The following RCC1L variants were observed in gnomAD, a reference collection of about 807,000 sequenced individuals.
RCC1L encodes RCC1 like, also known as RCC1-like G exchanging factor-like protein.
A neutral mutation model predicts 58.6 loss-of-function variants in RCC1L; 46 were observed. The ratio of observed to expected loss-of-function variants is 0.79; its 90% confidence interval spans 0.62 to 1.00. RCC1L has a LOEUF of 1.00. RCC1L is among the 50% of genes least tolerant of loss of function. RCC1L has a pLI of 0.00. For synonymous variants in RCC1L, 281 were observed against 262.9 expected (o/e 1.07, Z -0.67); for missense variants, 636 against 623.6 (o/e 1.02, Z -0.21).
chr7:75,070,929 A>G (rs1434127694), intron 1 of RCC1L, among the ~76,000 whole-genome samples, 160 bp from the exon 2 acceptor site: 1 of 152,110 alleles, frequency 6.6e-6, no homozygotes, highest in Non-Finnish European at 1.5e-5. Flanking sequence ...GCTGGAGTGC[A>G]GTGGCGCAAT....
intron 10 of RCC1L, among the ~76,000 whole-genome samples, chr7:75,051,363 T>TAC (rs1291552730): frequency 1.4e-5 from 2 of 144,190 alleles, no homozygotes; most frequent in South Asian, 2.1e-4. Context: ...CACATATATA[T>TAC]ACACACATAT....
intron 2 of RCC1L, among the ~76,000 whole-genome samples, chr7:75,069,531 A>C (rs782482081): frequency 1.9e-4 from 29 of 150,726 alleles, no homozygotes; most frequent in Admixed American, 7.3e-4. Flanking sequence ...TACTGTTCTC[A>C]CAGTAATTTT....
intron 10 of RCC1L, among the ~76,000 whole-genome samples, chr7:75,049,789 G>A (rs1310818176): frequency 6.6e-6 from 1 of 152,158 alleles, no homozygotes; most frequent in Non-Finnish European, 1.5e-5. Flanking sequence ...TGAGATAGGA[G>A]GATCACTTGA....
At chr7:75,041,586 C>T (rs1017784353), downstream of RCC1L, among the ~76,000 whole-genome samples, 7 of 151,874 alleles carry the variant, frequency 4.6e-5, no homozygotes, top group Admixed American at 1.3e-4. Context: ...TGGCTGGGTG[C>T]GGTGGCTCAC....
At position 75,042,666 on chromosome 7, in the gene RCC1L, C is replaced by G. The variant is rs1318022325; in HGVS notation, c.*366G>C. Reference sequence around the variant, plus strand: ...CAAACCAAGAGACTGCCATGACAGACAGAGCAGAAACCTCCCGAGCACTGT... The same window carrying G: ...CAAACCAAGAGACTGCCATGACAGAGAGAGCAGAAACCTCCCGAGCACTGT... On this transcript the variant is annotated 3_prime_UTR_variant, in exon 11 of 11. Transcript: ENST00000610322. The G allele has an allele frequency of 1.2e-5, 14 of 1,124,804 alleles. No homozygotes were observed. The highest frequency in any genetic ancestry group is 8.1e-5 in the African/African-American group (5 of 61,570). 69.7% of individuals were successfully genotyped at this position (1,124,804 alleles called of 1,614,324 possible). A position where few individuals can be genotyped will look rare whatever the true frequency, so the allele number is the denominator to read the frequency against.
intron 6 of RCC1L, among the ~76,000 whole-genome samples, chr7:75,060,997 C>T (rs1219543784): frequency 1.3e-5 from 2 of 152,102 alleles, no homozygotes; most frequent in Non-Finnish European, 2.9e-5. Context: ...TCACCTGAGC[C>T]TGGGAGTTTG....
At chr7:75,027,390 T>G (rs1356685034) in exon 11 of RCC1L, 1 of 153,112 alleles carries the variant, frequency 6.5e-6, no homozygotes, top group African/African-American at 2.4e-5. Context: ...TTAACCAGAA[T>G]GCCCCCTCTC....
At chr7:75,031,638 G>A (rs964907069) in intron 10 of RCC1L, among the ~76,000 whole-genome samples, 4 of 152,082 alleles carry the variant, frequency 2.6e-5, no homozygotes, top group Admixed American at 6.6e-5. Context: ...GGCTAGAGGC[G>A]GGTAGAAAAA....
Position 75,042,237 on chromosome 7 carries a change from T to C in RCC1L, c.*795A>G. ...TATTCCAAGACAGATTTGTAAAAGATGTTTTTAAAGGGAAAGGCAAGTCAC... is the reference window on the plus strand; with the variant it reads ...TATTCCAAGACAGATTTGTAAAAGACGTTTTTAAAGGGAAAGGCAAGTCAC... On this transcript the variant is annotated 3_prime_UTR_variant, in exon 11 of 11. Coordinates refer to ENST00000610322, the MANE Select transcript of RCC1L (RefSeq NM_030798.5). 4 of 985,470 alleles carry C rather than the reference T, an allele frequency of 4.1e-6. No individual in the cohort carries two copies. Among genetic ancestry groups the C allele is most frequent in the Non-Finnish European group, 4.8e-6 (4 of 829,942 alleles). The allele number at this position is 985,470 out of a possible 1,614,324, so 61.0% of individuals were successfully genotyped here.
chr7:75,055,718 A>G (rs2131991935), intron 9 of RCC1L, 183 bp downstream of exon 9: 1 of 700,262 alleles, frequency 1.4e-6, no homozygotes, highest in East Asian at 2.7e-5. Context: ...AGGGGGGGAA[A>G]ACAAGACATT....
rs782742497 is a variant in RCC1L, at chr7:75,073,642, G to A, written c.96C>T (p.Ser32=). Residue 32 remains serine (S), a synonymous_variant, in exon 1 of 11, where the codon TCC becomes TCT. Coordinates refer to ENST00000610322, the MANE Select transcript of RCC1L (RefSeq NM_030798.5). ...GRGHWTAAGR[S]RSRREAAEAE... is the part of the protein sequence containing the mutation. ...CTTCTGCCGCTTCGCGCCGGCTCCG[G>A]GAGCGCCCGGCCGCCGTCCAGTGCC... The A allele has an allele frequency of 1.4e-6, 2 of 1,479,998 alleles. No homozygotes were observed. The highest frequency in any genetic ancestry group is 1.8e-6 in the Non-Finnish European group (2 of 1,123,496). The allele number at this position is 1,479,998 out of a possible 1,614,324, so 91.7% of individuals were successfully genotyped here. A position where few individuals can be genotyped will look rare whatever the true frequency, so the allele number is the denominator to read the frequency against.
chr7:75,065,929 A>G (rs1021367718), intron 3 of RCC1L, among the ~76,000 whole-genome samples: 3 of 151,170 alleles, frequency 2.0e-5, no homozygotes, highest in Non-Finnish European at 2.9e-5. Flanking sequence ...GAGGCAGGAG[A>G]ATTGCTTGAA....
chr7:75,071,837 G>C (rs1554446151), intron 1 of RCC1L, among the ~76,000 whole-genome samples: 1 of 151,796 alleles, frequency 6.6e-6, no homozygotes, highest in African/African-American at 2.4e-5. Flanking sequence ...CTCTCACTAA[G>C]CTGTTGTGAA....
In RCC1L at chr7:75,062,243, A is replaced by C. The variant is rs976101076; in HGVS notation, c.703-952T>G. Among the ~76,000 whole-genome samples, 3 of 44,128 alleles carry C rather than the reference A, an allele frequency of 6.8e-5. No individual in the cohort carries two copies. The East Asian group carries it at 3.1e-3, about 45-fold the overall frequency. 28.9% of individuals were successfully genotyped at this position (44,128 alleles called of 152,430 possible). On this transcript the variant is annotated intron_variant, in intron 5 of 10. Transcript: ENST00000610322. ...CAGTCTAATAGGTGAAGGAGGCCTG[A>C]CATGGTGGCTTAACCCATAATCCCA... is the stretch of plus-strand genomic sequence containing the variant.
rs1446438373 is a variant in RCC1L at position 75,042,863 on chromosome 7, G to C, written c.*169C>G. 1.5e-5 allele frequency: 22 copies of C among 1,463,226 alleles called. No individual in the cohort carries two copies. The highest frequency in any genetic ancestry group is 2.0e-5 in the Non-Finnish European group (22 of 1,102,606). The allele number at this position is 1,463,226 out of a possible 1,614,324, so 90.6% of individuals were successfully genotyped here. ...TGCAGCTGGAGAGGGACCTTGCCCT[G>C]ATCCTCCTGGTAGGTACCCGCTAAG... On this transcript the variant is annotated 3_prime_UTR_variant, in exon 11 of 11. Transcript: ENST00000610322.
intron 4 of RCC1L, among the ~76,000 whole-genome samples, chr7:75,063,819 C>T (rs964749670): frequency 2.0e-5 from 3 of 152,042 alleles, no homozygotes; most frequent in Non-Finnish European, 4.4e-5. Context: ...ATTCGGGAGG[C>T]TGATACATGA....
downstream of RCC1L, among the ~76,000 whole-genome samples, chr7:75,041,890 A>G (rs995530682): frequency 2.0e-5 from 3 of 151,786 alleles, no homozygotes; most frequent in Non-Finnish European, 4.4e-5. Context: ...AAAGAAAAGA[A>G]AAAGAAAATA....
intron 2 of RCC1L, among the ~76,000 whole-genome samples, chr7:75,068,152 T>C (rs782526204): frequency 1.1e-4 from 17 of 148,718 alleles, no homozygotes; most frequent in Non-Finnish European, 2.4e-4. Flanking sequence ...AAACCCCATC[T>C]CTACTAAAAA....
rs782027773 is a variant in RCC1L, at chr7:75,055,978, A to G, written c.1154T>C (p.Phe385Ser). The G allele has an allele frequency of 3.1e-6, 5 of 1,613,866 alleles. No homozygotes were observed. The African/African-American group carries it at 6.7e-5, about 22-fold the overall frequency. The change falls in exon 9 of 11, where the codon TTT becomes TCT. Residue 385 changes from phenylalanine to serine, a missense_variant. Transcript: ENST00000610322. ...TTCTGGGTTGAACTCCGTCAAGCCA[A>G]AGAGAGTGGGTGGAATCATTTCAGG... ...AVPEMIPPTLFGLTEFNPEIQ... is the reference protein window; with the variant it reads ...AVPEMIPPTLSGLTEFNPEIQ...
Sources: gnomAD v4.1 joint callset for allele counts (sites outside exome capture counted in the v4.1 genomes callset) on GRCh38, gnomAD v4.1.1 for gene constraint, MANE v1.5 for transcripts, NCBI Gene and HGNC (gene_info 2026-07-23, HGNC 2026-07-21) for gene names.